Variants in FETUB observed in about 807,000 individuals in gnomAD.
The protein encoded by FETUB is fetuin B.
FETUB carries 28 observed loss-of-function variants against 30.9 expected under a neutral mutation model. The ratio of observed to expected loss-of-function variants is 0.90; its 90% CI spans 0.67 to 1.24. The LOEUF (loss-of-function observed/expected upper bound fraction) is 1.24. Ranked by LOEUF, FETUB falls within the 50% of genes most tolerant of loss-of-function variation. The probability of loss-of-function intolerance (pLI) is 0.00; values close to 1 mark genes in which losing one functional copy is unlikely to be tolerated. For missense variants in FETUB, 469 were observed against 455.3 expected, an observed-to-expected ratio of 1.03 and a Z score of -0.27; for synonymous variants, 186 against 175.9, an observed-to-expected ratio of 1.06 and a Z score of -0.45.
At chr3:186,646,645 G>T (rs1195316581) in intron 5 of FETUB, among the ~76,000 whole-genome samples, 3 of 152,182 alleles carry the variant, frequency 2.0e-5, no homozygotes, top group Non-Finnish European at 4.4e-5. Context: ...ATAGCATGGT[G>T]TTCCATTCCT....
intron 4 of FETUB, among the ~76,000 whole-genome samples, chr3:186,645,950 C>T (rs1717492489): frequency 6.6e-6 from 1 of 152,002 alleles, no homozygotes; most frequent in Non-Finnish European, 1.5e-5. Flanking sequence ...TGGTCTTGAT[C>T]TCCTGACCTC....
chr3:186,644,940 A>C lies in FETUB; in HGVS notation c.594+20A>C. On this transcript the variant is annotated intron_variant, in intron 4 of 6. Transcript: ENST00000265029. ...AGCCAGGTAAGGCTAAAACTGCCCA[A>C]GCCAGTTACACAGTGTGTCTCATAA... 8 of 1,597,840 alleles carry C rather than the reference A, an allele frequency of 5.0e-6. No homozygotes were observed. The highest frequency in any genetic ancestry group is 6.8e-6 in the Non-Finnish European group (8 of 1,170,866).
At chr3:186,649,716 C>T (rs763699809) in intron 5 of FETUB, among the ~76,000 whole-genome samples, 2 of 152,206 alleles carry the variant, frequency 1.3e-5, no homozygotes, top group Non-Finnish European at 2.9e-5. Context: ...AGTGATCCTC[C>T]TGCCTCAGCC....
intron 3 of FETUB, 92 bp downstream of exon 3, chr3:186,642,650 A>T (rs778457051): frequency 2.6e-6 from 2 of 778,782 alleles, no homozygotes; most frequent in Non-Finnish European, 4.5e-6. Context: ...GGTATCTCTC[A>T]TTCTTATTTT....
Position 186,644,842 on chromosome 3 carries a change from C to G in FETUB, c.516C>G (p.Thr172=). The G allele has an allele frequency of 6.2e-7, 1 of 1,613,910 alleles. No individual in the cohort carries two copies. Among genetic ancestry groups the G allele is most frequent in the Non-Finnish European group, 8.5e-7 (1 of 1,179,972 alleles). The stretch of plus-strand genomic sequence containing the variant: ...ATCACCAAGTGCTGGAGGCTGCCAC[C>G]GAGTCTCTTGCGAAATACAACAATG... The part of the protein sequence containing the change: ...SSNHQVLEAA[T]ESLAKYNNEN... The change falls in exon 4 of 7, where the codon ACC becomes ACG. Residue 172 remains threonine (T), a synonymous_variant. Coordinates refer to ENST00000265029, the MANE Select transcript of FETUB (RefSeq NM_014375.3).
chr3:186,640,310 T>C, upstream of FETUB: 1 of 670,254 alleles, frequency 1.5e-6, no homozygotes. Flanking sequence ...AAGTACTGAC[T>C]TAGGAAAATC....
Position 186,652,650 on chromosome 3 carries a change from T to G in FETUB, c.*19T>G. ...GCCATGAGAATCACACAGAGTCTTC[T>G]GTAGGGGTATGGTGCGCCGCATGAC... On this transcript the variant is annotated 3_prime_UTR_variant, in exon 7 of 7. Transcript: ENST00000265029. 6.3e-7 allele frequency: 1 copy of G among 1,584,122 alleles called. No individual in the cohort carries two copies. Among genetic ancestry groups the G allele is most frequent in the Non-Finnish European group, 8.6e-7 (1 of 1,167,540 alleles).
Position 186,640,554 on chromosome 3 carries a change from C to T in FETUB, c.94C>T (p.Leu32Phe), listed in dbSNP as rs371809765. The T allele has an allele frequency of 4.3e-6, 7 of 1,614,108 alleles. No homozygotes were observed. The African/African-American group carries it at 8.0e-5, about 18-fold the overall frequency. ...GCTGGCCCTCAACCCCTCGGCTCTG[C>T]TCTCCCGGGGCTGCAATGACTCAGA... is the stretch of plus-strand genomic sequence containing the variant. ...PQLALNPSALLSRGCNDSDVL... is the reference protein window; with the variant it reads ...PQLALNPSALFSRGCNDSDVL... Residue 32 changes from leucine to phenylalanine, a missense_variant, in exon 1 of 7, where the codon CTC becomes TTC. Coordinates refer to ENST00000265029, the MANE Select transcript of FETUB (RefSeq NM_014375.3).
chr3:186,646,880 A>C (rs1192307852), intron 5 of FETUB, among the ~76,000 whole-genome samples: 1 of 152,214 alleles, frequency 6.6e-6, no homozygotes, highest in Non-Finnish European at 1.5e-5. Context: ...AAATTCATCC[A>C]TTTAAGGTGT....
At chr3:186,636,949 G>A (rs1177492198), upstream of FETUB, among the ~76,000 whole-genome samples, 4 of 152,144 alleles carry the variant, frequency 2.6e-5, no homozygotes, top group Non-Finnish European at 4.4e-5. Context: ...CCCTTGGTGC[G>A]TTCCTAGCAT....
At chr3:186,637,746 A>T (rs1028522995), upstream of FETUB, among the ~76,000 whole-genome samples, 1 of 152,268 alleles carries the variant, frequency 6.6e-6, no homozygotes, top group Non-Finnish European at 1.5e-5. Context: ...GTACAGTCAC[A>T]GCACTGACAG....
chr3:186,649,612 A>G (rs1717831032), intron 5 of FETUB, among the ~76,000 whole-genome samples: 1 of 152,134 alleles, frequency 6.6e-6, no homozygotes, highest in Non-Finnish European at 1.5e-5. Flanking sequence ...CTGGGACTAC[A>G]GGCACCTGCC....
chr3:186,646,280 C>CT lies in FETUB; in HGVS notation c.629dup (p.Leu210PhefsTer3). ...TCGGCCCTTCTTACTTTGTGGAATA[C>CT]TTAATTAAAGAATCACCATGTACTA... On this transcript the variant is annotated frameshift_variant, in exon 5 of 7. Transcript: ENST00000265029. LOFTEE classifies it high-confidence loss of function. 6.2e-7 allele frequency: 1 copy of CT among 1,613,834 alleles called. No homozygotes were observed. Among genetic ancestry groups the CT allele is most frequent in the Non-Finnish European group, 8.5e-7 (1 of 1,179,808 alleles).
rs111266998 is a variant in FETUB at position 186,651,491 on chromosome 3, G to T, written c.780+190G>T. 366 of 574,226 alleles carry T rather than the reference G, an allele frequency of 6.4e-4. 1 individual carries two copies. The East Asian group carries it at 7.1e-3, about 11-fold the overall frequency. The allele number at this position is 574,226 out of a possible 1,614,324, so 35.6% of individuals were successfully genotyped here. A position where few individuals can be genotyped will look rare whatever the true frequency, so the allele number is the denominator to read the frequency against. ...TTATGCCTTGTTTCAGTCGCAATATGGTCCTGCAGAATAAGCAAGACAAAT... is the reference window on the plus strand; with the variant it reads ...TTATGCCTTGTTTCAGTCGCAATATTGTCCTGCAGAATAAGCAAGACAAAT... On this transcript the variant is annotated intron_variant, in intron 6 of 6. Coordinates refer to ENST00000265029, the MANE Select transcript of FETUB (RefSeq NM_014375.3).
At chr3:186,652,199 C>T in intron 6 of FETUB, 64 bp from the exon 7 acceptor site, 1 of 1,504,438 alleles carries the variant, frequency 6.6e-7, no homozygotes, top group Non-Finnish European at 8.9e-7. Context: ...TCAGCTTAGG[C>T]TGGTACTAGG....
chr3:186,637,410 C>G (rs1716807146), upstream of FETUB, among the ~76,000 whole-genome samples: 1 of 152,224 alleles, frequency 6.6e-6, no homozygotes, highest in Non-Finnish European at 1.5e-5. Context: ...TAGGCCAAGA[C>G]TTGGTACCTA....
At chr3:186,651,511 A>G in intron 6 of FETUB, 1 of 536,864 alleles carries the variant, frequency 1.9e-6, no homozygotes, top group Non-Finnish European at 3.4e-6. Flanking sequence ...AATAAGCAAG[A>G]CAAATTCAGA....
intron 2 of FETUB, 74 bp downstream of exon 2, chr3:186,641,214 G>T (rs1051486858): frequency 4.6e-6 from 4 of 873,304 alleles, no homozygotes; most frequent in Non-Finnish European, 7.5e-6. Context: ...ACAGGGTCAA[G>T]GGTGCTCAAT....
At chr3:186,636,954 T>C (rs1198646450), upstream of FETUB, among the ~76,000 whole-genome samples, 2 of 152,166 alleles carry the variant, frequency 1.3e-5, no homozygotes, top group Admixed American at 1.3e-4. Flanking sequence ...GGTGCGTTCC[T>C]AGCATCCACT....
Sources: gnomAD v4.1 joint callset for allele counts (sites outside exome capture counted in the v4.1 genomes callset) on GRCh38, gnomAD v4.1.1 for gene constraint, MANE v1.5 for transcripts, NCBI Gene and HGNC (gene_info 2026-07-23, HGNC 2026-07-21) for gene names.